Variants in EPB41L2 observed in about 807,000 individuals in gnomAD.
The protein encoded by EPB41L2 is erythrocyte membrane protein band 4.1 like 2.
A neutral mutation model predicts 113.0 loss-of-function variants in EPB41L2; 43 were observed. That is an observed-to-expected ratio of 0.38 (90% CI 0.30 to 0.49). The LOEUF (loss-of-function observed/expected upper bound fraction) is 0.49, where lower values mean the gene tolerates loss of function less well. Ranked by LOEUF, EPB41L2 falls within the 20% of genes least tolerant of loss-of-function variation. The pLI is 0.95. For synonymous variants in EPB41L2, 442 were observed against 436.7 expected (o/e 1.01, Z -0.15); for missense variants, 1,147 against 1,223.4 (o/e 0.94, Z 0.93).
intron 1 of EPB41L2, among the ~76,000 whole-genome samples, chr6:131,048,138 C>CAAAA (rs200522047): frequency 1.9e-5 from 1 of 52,964 alleles, no homozygotes; most frequent in African/African-American, 5.6e-5. Context: ...GACTCTGTCT[C>CAAAA]AAAAAAAAAA....
intron 1 of EPB41L2, among the ~76,000 whole-genome samples, chr6:131,005,279 C>T (rs1193686064): frequency 6.6e-6 from 1 of 151,960 alleles, no homozygotes; most frequent in Admixed American, 6.6e-5. Context: ...TAGCTATGTC[C>T]CAGAAAGCTC....
intron 4 of EPB41L2, among the ~76,000 whole-genome samples, chr6:130,916,955 G>A (rs1583425111): frequency 6.6e-6 from 1 of 152,202 alleles, no homozygotes; most frequent in Non-Finnish European, 1.5e-5. Flanking sequence ...AGCCTTCACT[G>A]AGTAAACCTT....
At chr6:131,024,294 T>C (rs1790320852) in intron 1 of EPB41L2, among the ~76,000 whole-genome samples, 1 of 152,100 alleles carries the variant, frequency 6.6e-6, no homozygotes, top group Admixed American at 6.5e-5. Flanking sequence ...AAGAAGTAAA[T>C]GAGTCATTTG....
intron 3 of EPB41L2, among the ~76,000 whole-genome samples, chr6:130,946,789 A>G (rs1421165685): frequency 1.3e-5 from 2 of 152,268 alleles, no homozygotes; most frequent in Middle Eastern, 3.4e-3. Context: ...ATGTCAAACA[A>G]AAATGCCCCC....
At chr6:130,870,210 T>TG in intron 14 of EPB41L2, 84 bp from the exon 15 acceptor site, 8 of 1,534,290 alleles carry the variant, frequency 5.2e-6, no homozygotes, top group Non-Finnish European at 7.1e-6. Flanking sequence ...CGATGGCAGA[T>TG]TCATGTCATG....
intron 14 of EPB41L2, among the ~76,000 whole-genome samples, chr6:130,874,364 A>C (rs186999086): frequency 0.025 from 3,810 of 151,864 alleles, 165 homozygotes; most frequent in African/African-American, 0.085. Context: ...CTTATGCATA[A>C]TTTTTTTATT....
At chr6:130,845,840 C>T (rs2128399738) in intron 19 of EPB41L2, among the ~76,000 whole-genome samples, 1 of 152,310 alleles carries the variant, frequency 6.6e-6, no homozygotes, top group East Asian at 1.9e-4. Flanking sequence ...GAAGTATGCA[C>T]ACGCCATTCC....
At chr6:130,884,968 CAT>C in intron 12 of EPB41L2, 126 bp downstream of exon 12, 1 of 1,070,958 alleles carries the variant, frequency 9.3e-7, no homozygotes, top group Non-Finnish European at 1.4e-6. Context: ...TATTTGAAAA[CAT>C]AAATGACCAG....
chr6:131,026,242 A>G (rs1451806911), intron 1 of EPB41L2, among the ~76,000 whole-genome samples: 9 of 152,174 alleles, frequency 5.9e-5, no homozygotes, highest in African/African-American at 2.2e-4. Context: ...AAGAAATAAC[A>G]AGGAATTGCT....
At chr6:130,988,056 C>T (rs1270349707) in intron 1 of EPB41L2, among the ~76,000 whole-genome samples, 7 of 151,930 alleles carry the variant, frequency 4.6e-5, no homozygotes, top group Non-Finnish European at 8.8e-5. Context: ...GTGGAAGCTG[C>T]AGTGAGCCCT....
chr6:130,890,511 CA>C (rs1022601363), intron 10 of EPB41L2, 45 bp from the exon 11 acceptor site: 1 of 1,547,322 alleles, frequency 6.5e-7, no homozygotes, highest in African/African-American at 1.4e-5. Context: ...AAAGGGGAAG[CA>C]AAATTAGACT....
intron 14 of EPB41L2, chr6:130,876,862 G>GTTT: frequency 1.4e-6 from 1 of 712,330 alleles, no homozygotes; most frequent in Non-Finnish European, 2.0e-6. Flanking sequence ...CTGACCCAGT[G>GTTT]TGGGTCAATG....
chr6:131,006,631 C>G (rs1341530900), intron 1 of EPB41L2, among the ~76,000 whole-genome samples: 1 of 55,108 alleles, frequency 1.8e-5, no homozygotes, highest in Non-Finnish European at 3.5e-5. Context: ...GATCGCACCA[C>G]TGAACCCGAC....
At chr6:130,911,312 T>A (rs895560587) in intron 4 of EPB41L2, among the ~76,000 whole-genome samples, 1 of 152,012 alleles carries the variant, frequency 6.6e-6, no homozygotes, top group Non-Finnish European at 1.5e-5. Context: ...AAGTGGGAGC[T>A]GAACAATGAG....
intron 1 of EPB41L2, chr6:131,014,085 G>A (rs1787663691): frequency 6.8e-6 from 1 of 148,100 alleles, no homozygotes; most frequent in Admixed American, 6.7e-5. Flanking sequence ...AAAAAACTCA[G>A]GCAGCCCACT....
At chr6:130,943,253 C>T (rs1562545795) in intron 3 of EPB41L2, among the ~76,000 whole-genome samples, 2 of 152,210 alleles carry the variant, frequency 1.3e-5, no homozygotes, top group Non-Finnish European at 2.9e-5. Context: ...TCCTCTCCAG[C>T]ATCTGTTGTC....
intron 1 of EPB41L2, among the ~76,000 whole-genome samples, chr6:130,995,969 T>G (rs747068471): frequency 1.4e-4 from 22 of 152,354 alleles, no homozygotes; most frequent in Non-Finnish European, 2.5e-4. Context: ...ATAAGGAAAC[T>G]TGTTTTTCCT....
At chr6:130,985,222 T>C (rs577112824) in intron 1 of EPB41L2, among the ~76,000 whole-genome samples, 1 of 152,284 alleles carries the variant, frequency 6.6e-6, no homozygotes, top group South Asian at 2.1e-4. Flanking sequence ...TTGAATGTTG[T>C]CTTTTCCAAT....
chr6:131,005,984 T>C (rs1785421044), intron 1 of EPB41L2, among the ~76,000 whole-genome samples: 1 of 152,028 alleles, frequency 6.6e-6, no homozygotes, highest in Admixed American at 6.6e-5. Flanking sequence ...AAAAGGTGCA[T>C]CTCTTTCCTC....
Sources: gnomAD v4.1 joint callset for allele counts (sites outside exome capture counted in the v4.1 genomes callset) on GRCh38, gnomAD v4.1.1 for gene constraint, MANE v1.5 for transcripts, NCBI Gene and HGNC (gene_info 2026-07-23, HGNC 2026-07-21) for gene names.